QTGAL: variants seen among roughly 807,000 people sequenced by gnomAD.
The protein encoded by QTGAL is BGnT-like protein 1.
the QTGAL span, among the ~76,000 whole-genome samples, chr17:82,987,488 C>T: frequency 2.6e-5 from 4 of 152,124 alleles, no homozygotes; most frequent in East Asian, 1.9e-4. Context: ...GCAGATGAAC[C>T]GTATTCATAA....
chr17:83,031,185 G>A, the QTGAL span, among the ~76,000 whole-genome samples: 1 of 152,258 alleles, frequency 6.6e-6, no homozygotes, highest in Admixed American at 6.5e-5. Flanking sequence ...AGGAGGAAAC[G>A]CCGCGTCAGG....
At chr17:83,036,792 G>C in the QTGAL span, among the ~76,000 whole-genome samples, 1 of 152,140 alleles carries the variant, frequency 6.6e-6, no homozygotes, top group African/African-American at 2.4e-5. Context: ...CCTATGTTTG[G>C]GAAAGCAGGC....
the QTGAL span, among the ~76,000 whole-genome samples, chr17:82,989,980 G>C: frequency 6.6e-5 from 10 of 152,308 alleles, no homozygotes; most frequent in East Asian, 1.9e-3. Context: ...CATCACAATG[G>C]ATAACCGCTT....
chr17:82,997,053 C>T, the QTGAL span, among the ~76,000 whole-genome samples: 1 of 152,270 alleles, frequency 6.6e-6, no homozygotes, highest in South Asian at 2.1e-4. Flanking sequence ...GACGGGATCA[C>T]ATCAAGTTAA....
the QTGAL span, among the ~76,000 whole-genome samples, chr17:83,033,658 A>G: frequency 5.3e-5 from 8 of 151,796 alleles, no homozygotes; most frequent in African/African-American, 1.5e-4. Flanking sequence ...TTTTTAGTAG[A>G]GACGGGGTTT....
At chr17:83,030,259 G>C in the QTGAL span, among the ~76,000 whole-genome samples, 2 of 152,226 alleles carry the variant, frequency 1.3e-5, no homozygotes, top group African/African-American at 2.4e-5. Context: ...TTCTCCATGA[G>C]AGGAAAATCT....
At chr17:83,033,406 G>C in the QTGAL span, among the ~76,000 whole-genome samples, 1 of 151,928 alleles carries the variant, frequency 6.6e-6, no homozygotes, top group Non-Finnish European at 1.5e-5. Flanking sequence ...TCAGGCTCTT[G>C]ATAGAAAATG....
the QTGAL span, among the ~76,000 whole-genome samples, chr17:82,963,106 C>T: frequency 7.1e-3 from 1,078 of 152,298 alleles, 16 homozygotes; most frequent in African/African-American, 0.024. Context: ...GAAGTGTGGC[C>T]GCCGCCCAGC....
At chr17:83,026,123 G>T in the QTGAL span, among the ~76,000 whole-genome samples, 1 of 152,238 alleles carries the variant, frequency 6.6e-6, no homozygotes, top group Non-Finnish European at 1.5e-5. Context: ...CCCGTGACCA[G>T]GAAGTGCAAA....
chr17:82,952,410 T>C, the QTGAL span, among the ~76,000 whole-genome samples: 1 of 152,076 alleles, frequency 6.6e-6, no homozygotes. Context: ...GGGGTTGCAA[T>C]CCTAGTCTCT....
chr17:82,968,735 C>T, the QTGAL span, among the ~76,000 whole-genome samples: 16 of 152,226 alleles, frequency 1.1e-4, no homozygotes, highest in South Asian at 8.3e-4. Flanking sequence ...CGCGGTGGCT[C>T]ACGTCTGTAA....
the QTGAL span, among the ~76,000 whole-genome samples, chr17:82,984,374 AC>A: frequency 6.6e-6 from 1 of 151,012 alleles, no homozygotes. Flanking sequence ...GGGAGAGGCC[AC>A]GTGATTATGC....
chr17:82,993,045 G>A, the QTGAL span, among the ~76,000 whole-genome samples: 1 of 152,094 alleles, frequency 6.6e-6, no homozygotes, highest in African/African-American at 2.4e-5. Context: ...AGACATGAAG[G>A]AAGGAAAGGA....
chr17:83,029,181 G>A, the QTGAL span, among the ~76,000 whole-genome samples: 1 of 152,162 alleles, frequency 6.6e-6, no homozygotes, highest in Non-Finnish European at 1.5e-5. Flanking sequence ...TATCCATGTT[G>A]TACACAAATT....
At chr17:82,943,639 G>GTGAC in the QTGAL span, 1 of 152,244 alleles carries the variant, frequency 6.6e-6, no homozygotes, top group Non-Finnish European at 1.5e-5. Context: ...GACCAGGACT[G>GTGAC]TGACAGTCCG....
the QTGAL span, chr17:82,945,428 TAAG>T: frequency 6.6e-6 from 1 of 152,172 alleles, no homozygotes; most frequent in Non-Finnish European, 1.5e-5. Context: ...TGCAGAACTG[TAAG>T]AAGGACAGAG....
the QTGAL span, chr17:83,005,272 A>G: frequency 7.7e-7 from 1 of 1,307,030 alleles, no homozygotes. The surrounding 1 kb of genome is among the most constrained non-coding windows in gnomAD (Gnocchi z 5.6). Flanking sequence ...GCATGTGCAC[A>G]CCTGTGTGTA....
chr17:82,955,372 A>G, the QTGAL span, among the ~76,000 whole-genome samples: 4 of 152,254 alleles, frequency 2.6e-5, no homozygotes, highest in Non-Finnish European at 4.4e-5. Context: ...ATCACTGGTC[A>G]TTAGAGAAAT....
At chr17:83,007,092 C>T in the QTGAL span, 17 of 596,276 alleles carry the variant, frequency 2.9e-5, no homozygotes, top group Non-Finnish European at 3.4e-5. Flanking sequence ...GCCGTCTGTA[C>T]ACCCTCCTTA....
Sources: gnomAD v4.1 joint callset for allele counts (sites outside exome capture counted in the v4.1 genomes callset) on GRCh38, gnomAD v4.1.1 for gene constraint, Gnocchi (gnomAD v3.1) non-coding constraint, MANE v1.5 for transcripts, NCBI Gene and HGNC (gene_info 2026-07-23, HGNC 2026-07-21) for gene names.